Variants in PAK1 observed in about 807,000 individuals in gnomAD.
PAK1 encodes serine/threonine-protein kinase PAK 1.
A neutral mutation model predicts 67.4 loss-of-function variants in PAK1; 29 were observed. The ratio of observed to expected loss-of-function variants is 0.43; its 90% CI spans 0.32 to 0.59. PAK1 has a LOEUF of 0.59. PAK1 is among the 20% of genes least tolerant of loss of function. The pLI, the probability that PAK1 is intolerant of heterozygous loss-of-function variation, is 0.07. For missense variants in PAK1, 337 were observed against 670.7 expected (o/e 0.50, Z 5.50); for synonymous variants, 223 against 237.4 (o/e 0.94, Z 0.56).
chr11:77,409,643 G>A (rs944583741), intron 1 of PAK1, among the ~76,000 whole-genome samples: 1 of 152,076 alleles, frequency 6.6e-6, no homozygotes. Flanking sequence ...CAGCAACATG[G>A]ATGACACTGG....
At chr11:77,414,212 C>T (rs1249086479) in intron 1 of PAK1, among the ~76,000 whole-genome samples, 1 of 152,226 alleles carries the variant, frequency 6.6e-6, no homozygotes, top group African/African-American at 2.4e-5. Context: ...GATAAATACT[C>T]CCAGTTCTTT....
intron 1 of PAK1, among the ~76,000 whole-genome samples, chr11:77,398,922 G>C (rs1259499194): frequency 2.6e-5 from 4 of 152,156 alleles, no homozygotes; most frequent in African/African-American, 9.7e-5. Flanking sequence ...ATTTAGGCTG[G>C]ACTTGACTTT....
intron 1 of PAK1, among the ~76,000 whole-genome samples, chr11:77,457,223 T>C (rs1957122199): frequency 6.6e-5 from 10 of 152,228 alleles, no homozygotes. Context: ...TATATTTACA[T>C]GTTACAGCCT....
chr11:77,368,002 T>C (rs190755234), intron 5 of PAK1, among the ~76,000 whole-genome samples: 1 of 151,822 alleles, frequency 6.6e-6, no homozygotes, highest in East Asian at 1.9e-4. Context: ...AACAAAAAGG[T>C]CCAAGATCTA....
chr11:77,512,874 G>A, the PAK1 span, among the ~76,000 whole-genome samples: 6 of 151,990 alleles, frequency 3.9e-5, no homozygotes, highest in Middle Eastern at 3.2e-3. Context: ...CAGGTAGATC[G>A]CTTGAGCCCA....
chr11:77,333,458 A>G (rs930798404), intron 13 of PAK1, among the ~76,000 whole-genome samples: 2 of 152,060 alleles, frequency 1.3e-5, no homozygotes, highest in South Asian at 2.1e-4. Context: ...TCAACCTCCC[A>G]AAGTGCTGGG....
the PAK1 span, among the ~76,000 whole-genome samples, chr11:77,516,228 A>T: frequency 6.6e-6 from 1 of 152,248 alleles, no homozygotes; most frequent in African/African-American, 2.4e-5. Flanking sequence ...AATGTATGGT[A>T]GCCATTATTA....
the PAK1 span, among the ~76,000 whole-genome samples, chr11:77,523,284 T>C: frequency 6.6e-6 from 1 of 152,262 alleles, no homozygotes; most frequent in South Asian, 2.1e-4. Context: ...AAATATATAA[T>C]ATCTCAGATT....
At chr11:77,512,100 G>A in the PAK1 span, among the ~76,000 whole-genome samples, 1 of 152,190 alleles carries the variant, frequency 6.6e-6, no homozygotes, top group African/African-American at 2.4e-5. Context: ...CAGTGGGGAA[G>A]GAAAGCAGGC....
intron 5 of PAK1, among the ~76,000 whole-genome samples, chr11:77,366,208 A>G (rs1367771468): frequency 1.3e-5 from 2 of 152,390 alleles, no homozygotes; most frequent in Non-Finnish European, 1.5e-5. Flanking sequence ...GAAATACTCA[A>G]AGAAGCCCAT....
chr11:77,443,130 A>G (rs1446063811), intron 1 of PAK1, among the ~76,000 whole-genome samples: 1 of 151,756 alleles, frequency 6.6e-6, no homozygotes, highest in Non-Finnish European at 1.5e-5. Flanking sequence ...CAAGACCATC[A>G]TGGCCAACAT....
At chr11:77,370,717 G>T (rs1948315468) in intron 5 of PAK1, among the ~76,000 whole-genome samples, 1 of 152,220 alleles carries the variant, frequency 6.6e-6, no homozygotes, top group Middle Eastern at 3.4e-3. Context: ...TTTTAATTTG[G>T]TTTTTAAGAA....
chr11:77,343,067 C>T (rs981306572), intron 10 of PAK1, among the ~76,000 whole-genome samples: 4 of 151,906 alleles, frequency 2.6e-5, no homozygotes, highest in Admixed American at 6.6e-5. Flanking sequence ...GATAAAAAAA[C>T]CCTACCTCAC....
chr11:77,502,718 C>A, the PAK1 span, among the ~76,000 whole-genome samples: 1 of 152,118 alleles, frequency 6.6e-6, no homozygotes, highest in Non-Finnish European at 1.5e-5. Context: ...TATGAACTCG[C>A]CAGCAGCTGT....
chr11:77,506,169 TA>T, the PAK1 span, among the ~76,000 whole-genome samples: 1 of 152,228 alleles, frequency 6.6e-6, no homozygotes, highest in South Asian at 2.1e-4. Context: ...TTGCATGTTT[TA>T]ACTCATTTAA....
At chr11:77,520,004 C>T in the PAK1 span, among the ~76,000 whole-genome samples, 9 of 151,976 alleles carry the variant, frequency 5.9e-5, no homozygotes, top group East Asian at 1.9e-4. Flanking sequence ...GGCCTGTGGC[C>T]CCCCCCTCCG....
At position 77,322,329 on chromosome 11, in the gene PAK1, G is replaced by A. The variant is rs1938637525; in HGVS notation, c.*945C>T. On this transcript the variant is annotated 3_prime_UTR_variant, in exon 15 of 15. Coordinates refer to ENST00000356341, the MANE Select transcript of PAK1 (RefSeq NM_002576.5). ...AGAACTAACATGCAGTCTCTAATTT[G>A]GAGACTCTTTATTGTGACCAAAAGA... 5.1e-6 allele frequency: 1 copy of A among 195,526 alleles called. No homozygotes were observed. Among genetic ancestry groups the A allele is most frequent in the East Asian group, 8.0e-5 (1 of 12,462 alleles). The allele number at this position is 195,526 out of a possible 1,614,324, so 12.1% of individuals were successfully genotyped here.
intron 1 of PAK1, among the ~76,000 whole-genome samples, chr11:77,428,210 A>G (rs1955656929): frequency 6.6e-6 from 1 of 152,176 alleles, no homozygotes; most frequent in African/African-American, 2.4e-5. Context: ...TCTTGCAGAA[A>G]TGTGAAAGGT....
chr11:77,412,680 C>T (rs1458889568), intron 1 of PAK1, among the ~76,000 whole-genome samples: 1 of 152,120 alleles, frequency 6.6e-6, no homozygotes, highest in East Asian at 1.9e-4. Flanking sequence ...CTTCCCTTGG[C>T]CTCCCAAACT....
Sources: gnomAD v4.1 joint callset for allele counts (sites outside exome capture counted in the v4.1 genomes callset) on GRCh38, gnomAD v4.1.1 for gene constraint, MANE v1.5 for transcripts, NCBI Gene and HGNC (gene_info 2026-07-23, HGNC 2026-07-21) for gene names.